The following PIAS4 variants were observed in gnomAD, a reference collection of about 807,000 sequenced individuals.
PIAS4 encodes the protein E3 SUMO-protein ligase PIAS4.
A neutral mutation model predicts 58.0 loss-of-function variants in PIAS4; 7 were observed. The ratio of observed to expected loss-of-function variants is 0.12; its 90% CI spans 0.07 to 0.23. The LOEUF (loss-of-function observed/expected upper bound fraction) is 0.23. PIAS4 is among the 10% of genes least tolerant of loss of function. The probability of loss-of-function intolerance (pLI) is 1.00; values close to 1 mark genes in which losing one functional copy is unlikely to be tolerated. For missense variants in PIAS4, 550 were observed against 709.5 expected (o/e 0.78, Z 2.55); for synonymous variants, 364 against 312.4 (o/e 1.17, Z -1.74).
intron 2 of PIAS4, among the ~76,000 whole-genome samples, chr19:4,016,025 G>A (rs2040050045): frequency 6.6e-6 from 1 of 152,212 alleles, no homozygotes; most frequent in Non-Finnish European, 1.5e-5. Flanking sequence ...ACGGCCCAAG[G>A]TCGCACAGCG....
chr19:4,032,865 G>A (rs572244411), intron 7 of PIAS4, among the ~76,000 whole-genome samples: 7 of 152,338 alleles, frequency 4.6e-5, no homozygotes, highest in Non-Finnish European at 7.4e-5. Flanking sequence ...GGCCACCTCC[G>A]TGTGGGGGCT....
chr19:4,012,298 C>T (rs1234661083), intron 1 of PIAS4, among the ~76,000 whole-genome samples: 1 of 152,062 alleles, frequency 6.6e-6, no homozygotes, highest in Non-Finnish European at 1.5e-5. Flanking sequence ...GGCGCTGCCA[C>T]CTCTGAGCCG....
chr19:4,015,850 G>A (rs898969192), intron 2 of PIAS4, among the ~76,000 whole-genome samples: 9 of 152,364 alleles, frequency 5.9e-5, no homozygotes, highest in African/African-American at 9.6e-5. Context: ...TGGAGACCGC[G>A]CCAGGCGGAC....
chr19:4,023,849 A>AGG (rs1203500995), intron 2 of PIAS4, among the ~76,000 whole-genome samples, 187 bp from the exon 3 acceptor site: 2 of 152,194 alleles, frequency 1.3e-5, no homozygotes, highest in Non-Finnish European at 2.9e-5. Context: ...GGCCCCGAGA[A>AGG]GGGGATGGGC....
In PIAS4 at chr19:4,037,298, G is replaced by GGGAGGGAT. The variant is rs2040308542; in HGVS notation, c.1143-69_1143-62dup. Reference sequence around the variant, plus strand: ...AAGTGGGGAGTGCCTGGCTGCATCCGGGAGGGATGGAGGGCTGGGGAGTTG... The same window carrying GGGAGGGAT: ...AAGTGGGGAGTGCCTGGCTGCATCCGGGAGGGATGGAGGGATGGAGGGCTGGGGAGTTG... On this transcript the variant is annotated intron_variant, in intron 9 of 10. Coordinates refer to ENST00000262971, the MANE Select transcript of PIAS4 (RefSeq NM_015897.4). The surrounding 1 kb of genome is among the most constrained non-coding windows in gnomAD (Gnocchi z 5.8). The GGGAGGGAT allele has an allele frequency of 2.6e-6, 4 of 1,525,966 alleles. No homozygotes were observed. In the East Asian group the frequency reaches 9.1e-5, roughly 35 times the overall value. The allele number at this position is 1,525,966 out of a possible 1,614,324, so 94.5% of individuals were successfully genotyped here.
chr19:4,029,694 A>G (rs2040203844), intron 7 of PIAS4, among the ~76,000 whole-genome samples: 1 of 150,838 alleles, frequency 6.6e-6, no homozygotes, highest in Admixed American at 6.6e-5. Flanking sequence ...CGCCCAGGCT[A>G]CAGTGCAGTG....
chr19:4,024,703 G>A (rs771996567), intron 3 of PIAS4, among the ~76,000 whole-genome samples: 16 of 152,290 alleles, frequency 1.1e-4, no homozygotes, highest in South Asian at 6.2e-4. Context: ...TACACCGCCC[G>A]CCTTAGGAAT....
At chr19:4,018,441 G>T (rs547331902) in intron 2 of PIAS4, 42 of 152,318 alleles carry the variant, frequency 2.8e-4, no homozygotes, top group African/African-American at 9.9e-4. Flanking sequence ...GGCCCTTCTT[G>T]TTGGGCTCTC....
intron 3 of PIAS4, among the ~76,000 whole-genome samples, chr19:4,025,631 C>T (rs896650968): frequency 6.6e-6 from 1 of 152,188 alleles, no homozygotes; most frequent in African/African-American, 2.4e-5. Context: ...CCAGGCTTGG[C>T]CATGGAGGCC....
chr19:4,036,099 TAC>T lies in PIAS4; in HGVS notation c.1143-1273_1143-1272del, dbSNP rs1197419645. 7.9e-5 allele frequency among the ~76,000 whole-genome samples: 3 copies of T among 37,800 alleles called. No homozygotes were observed. In the Admixed American group the frequency reaches 9.5e-4, roughly 12 times the overall value. The allele number at this position is 37,800 out of a possible 152,430, so 24.8% of individuals were successfully genotyped here. A position where few individuals can be genotyped will look rare whatever the true frequency, so the allele number is the denominator to read the frequency against. ...CACATCCGTACAGTCCACACCGTCATACAAACACACACACATCTATACAGTCC... is the reference window on the plus strand; with the variant it reads ...CACATCCGTACAGTCCACACCGTCATAAACACACACACATCTATACAGTCC... On this transcript the variant is annotated intron_variant, in intron 9 of 10. Coordinates refer to ENST00000262971, the MANE Select transcript of PIAS4 (RefSeq NM_015897.4).
chr19:4,033,343 G>T, intron 8 of PIAS4, 77 bp from the exon 9 acceptor site: 1 of 1,412,550 alleles, frequency 7.1e-7, no homozygotes. Context: ...GCCACAGGAT[G>T]GAGCTGGGGG....
At chr19:4,025,688 C>CATCTTTCTCAGCCTT (rs1555688802) in intron 3 of PIAS4, among the ~76,000 whole-genome samples, 5 of 151,652 alleles carry the variant, frequency 3.3e-5, no homozygotes, top group Non-Finnish European at 5.9e-5. Context: ...TTCTCAGCCT[C>CATCTTTCTCAGCCTT]GTCTTCCTTG....
chr19:4,037,823 C>T lies in PIAS4; in HGVS notation c.1481C>T (p.Pro494Leu). The T allele has an allele frequency of 1.9e-6, 3 of 1,577,268 alleles. No individual in the cohort carries two copies. The highest frequency in any genetic ancestry group is 2.6e-6 in the Non-Finnish European group (3 of 1,162,602). Residue 494 changes from proline to leucine, a missense_variant, in exon 11 of 11, where the codon CCC (proline) becomes CTC (leucine). By Grantham distance (98) the Pro-to-Leu change is moderately conservative (BLOSUM62 -3). Around this residue, in one of 4 missense-constraint regions of PIAS4, gnomAD observed 188 missense variants for 192.0 expected, o/e 0.98. Coordinates refer to ENST00000262971, the MANE Select transcript of PIAS4 (RefSeq NM_015897.4). This position sits in a 1 kb window ranked among gnomAD's most constrained non-coding sequence, Gnocchi z 5.8. ...GAGGAAGACGAGGACGAAGAGGGGC[C>T]CCGGCCCAAGCGCCGCTGCCCCTTC... ...EEEEDEDEEG[P>L]RPKRRCPFQK...
At chr19:4,023,658 T>A (rs941620546) in intron 2 of PIAS4, among the ~76,000 whole-genome samples, 2 of 151,886 alleles carry the variant, frequency 1.3e-5, no homozygotes, top group African/African-American at 4.8e-5. Flanking sequence ...AAGGGCCGGG[T>A]CCGGTTTGTG....
intron 3 of PIAS4, among the ~76,000 whole-genome samples, chr19:4,027,332 G>A (rs1458729968): frequency 3.9e-5 from 6 of 152,128 alleles, no homozygotes; most frequent in Non-Finnish European, 7.3e-5. Flanking sequence ...ACATCCTCAC[G>A]GTGCACCTGT....
chr19:4,023,426 C>T (rs2040130592), intron 2 of PIAS4, among the ~76,000 whole-genome samples: 1 of 152,052 alleles, frequency 6.6e-6, no homozygotes, highest in Non-Finnish European at 1.5e-5. Flanking sequence ...TGCCATTGCA[C>T]TCCAGCCTGG....
chr19:4,035,830 TC>T (rs1372387263), intron 9 of PIAS4, among the ~76,000 whole-genome samples: 4 of 149,168 alleles, frequency 2.7e-5, no homozygotes, highest in African/African-American at 5.0e-5. Context: ...GTCCACACCA[TC>T]ACACACACAC....
chr19:4,008,153 C>T (rs929380481), intron 1 of PIAS4, among the ~76,000 whole-genome samples: 6 of 152,122 alleles, frequency 3.9e-5, no homozygotes, highest in African/African-American at 1.2e-4. Flanking sequence ...ACTCGTTGCC[C>T]TCTTGGTTCC....
chr19:4,033,384 G>C, intron 8 of PIAS4, 36 bp from the exon 9 acceptor site: 1 of 1,535,062 alleles, frequency 6.5e-7, no homozygotes. Flanking sequence ...GGCACAACAG[G>C]AGGGGTGCCC....
Sources: gnomAD v4.1 joint callset for allele counts (sites outside exome capture counted in the v4.1 genomes callset) on GRCh38, gnomAD v4.1.1 for gene constraint, gnomAD v4.1.1 regional missense constraint, Gnocchi (gnomAD v3.1) non-coding constraint, MANE v1.5 for transcripts, NCBI Gene and HGNC (gene_info 2026-07-23, HGNC 2026-07-21) for gene names.